GMPS: variants seen among roughly 807,000 people sequenced by gnomAD.
GMPS encodes the protein GMP synthase [glutamine-hydrolyzing].
Under a neutral mutation model 77.9 loss-of-function variants are expected in GMPS, and 15 were observed. That is an observed-to-expected ratio of 0.19 (90% CI 0.13 to 0.30). The LOEUF is 0.30. Ranked by LOEUF, GMPS falls within the 10% of genes least tolerant of loss-of-function variation. The pLI is 1.00. For missense variants in GMPS, 590 were observed against 838.8 expected (o/e 0.70, Z 3.66); for synonymous variants, 224 against 275.9 (o/e 0.81, Z 1.86).
At chr3:155,901,919 T>TC (rs1238483192) in intron 3 of GMPS, among the ~76,000 whole-genome samples, 27 of 152,204 alleles carry the variant, frequency 1.8e-4, no homozygotes, top group Admixed American at 6.5e-5. Context: ...CTTTATGGTT[T>TC]CACTTGGCTT....
chr3:155,886,611 CTTTTTTTTT>C (rs58367815), intron 1 of GMPS, among the ~76,000 whole-genome samples: 79 of 78,044 alleles, frequency 1.0e-3, no homozygotes, highest in Middle Eastern at 0.01. Context: ...TTCCTGATGA[CTTTTTTTTT>C]TTTTTTTTTT....
chr3:155,870,512 C>G (rs971106004), upstream of GMPS: 1 of 224,986 alleles, frequency 4.4e-6, no homozygotes, highest in Non-Finnish European at 8.8e-6. Context: ...GGGGCGGGGC[C>G]GGGCGCCGCG....
intron 1 of GMPS, among the ~76,000 whole-genome samples, chr3:155,872,715 T>A (rs1753934649): frequency 6.6e-6 from 1 of 152,218 alleles, no homozygotes; most frequent in South Asian, 2.1e-4. Flanking sequence ...CTAGGGTGAA[T>A]TAATTTTATT....
chr3:155,869,489 G>T (rs1753853219), upstream of GMPS, among the ~76,000 whole-genome samples: 1 of 152,128 alleles, frequency 6.6e-6, no homozygotes, highest in Admixed American at 6.5e-5. Context: ...TTCAAAAAAA[G>T]GTAAGCGAAA....
Position 155,931,762 on chromosome 3 carries a change from C to T in GMPS, c.1561-3C>T. 1 of 1,217,262 alleles carries T rather than the reference C, an allele frequency of 8.2e-7. No homozygotes were observed. 75.4% of individuals were successfully genotyped at this position (1,217,262 alleles called of 1,614,324 possible). A position where few individuals can be genotyped will look rare whatever the true frequency, so the allele number is the denominator to read the frequency against. ...AAATTATTGATTATCTTTTTATTTTCAGGGTGACTGTCGTTCCTACAGTTA... is the reference window on the plus strand; with the variant it reads ...AAATTATTGATTATCTTTTTATTTTTAGGGTGACTGTCGTTCCTACAGTTA... On this transcript the variant is annotated splice_region_variant and splice_polypyrimidine_tract_variant and intron_variant, in intron 12 of 15. Coordinates refer to ENST00000496455, the MANE Select transcript of GMPS (RefSeq NM_003875.3).
intron 5 of GMPS, among the ~76,000 whole-genome samples, chr3:155,910,106 C>T (rs1035216196): frequency 3.4e-5 from 5 of 147,296 alleles, no homozygotes; most frequent in Non-Finnish European, 6.0e-5. Flanking sequence ...ATAAGCCGAG[C>T]GTGGTGGCAC....
intron 4 of GMPS, among the ~76,000 whole-genome samples, chr3:155,904,878 A>G (rs1197633155): frequency 6.6e-6 from 1 of 152,212 alleles, no homozygotes; most frequent in East Asian, 1.9e-4. Context: ...GGACTCTATC[A>G]CAACCTATAC....
intron 1 of GMPS, among the ~76,000 whole-genome samples, chr3:155,891,316 CTG>C (rs1230519795): frequency 6.6e-6 from 1 of 152,056 alleles, no homozygotes; most frequent in Non-Finnish European, 1.5e-5. Context: ...GGGACTGAGT[CTG>C]AGAAATTTAT....
At position 155,941,670 on chromosome 3, in the gene GMPS, G is replaced by A; in HGVS notation, c.*3978G>A. 4.5e-6 allele frequency: 1 copy of A among 222,874 alleles called. No homozygotes were observed. The highest frequency in any genetic ancestry group is 9.0e-6 in the Non-Finnish European group (1 of 111,618). 13.8% of individuals were successfully genotyped at this position (222,874 alleles called of 1,614,324 possible). ...ATTGACCCAAATCCAGAATGTAATGGGGAACTGAATACAAGTTGGATGTCT... is the reference window on the plus strand; with the variant it reads ...ATTGACCCAAATCCAGAATGTAATGAGGAACTGAATACAAGTTGGATGTCT... On this transcript the variant is annotated 3_prime_UTR_variant, in exon 16 of 16. Transcript: ENST00000496455.
upstream of GMPS, chr3:155,870,581 C>A (rs1201371834): frequency 2.7e-6 from 1 of 376,634 alleles, no homozygotes; most frequent in East Asian, 4.1e-5. Flanking sequence ...ATCTGAGGCT[C>A]GGCTGCCAAG....
rs747629729 is a variant in GMPS at position 155,931,864 on chromosome 3, T to G, written c.1660T>G (p.Cys554Gly). The change falls in exon 13 of 16, where the codon TGT (cysteine) becomes GGT (glycine). Residue 554 changes from cysteine (C) to glycine (G), a missense_variant. Cys to Gly is a radical substitution (Grantham distance 159). Coordinates refer to ENST00000496455, the MANE Select transcript of GMPS (RefSeq NM_003875.3). ...IFLARLIPRMCHNVNRVVYIF... is the reference protein window; with the variant it reads ...IFLARLIPRMGHNVNRVVYIF... Reference sequence around the variant, plus strand: ...TCTGGCTAGGCTTATACCTCGCATGTGTCACAACGTTAACAGGTGTGTTTC... The same window carrying G: ...TCTGGCTAGGCTTATACCTCGCATGGGTCACAACGTTAACAGGTGTGTTTC... 2.8e-5 allele frequency: 42 copies of G among 1,523,834 alleles called. No individual in the cohort carries two copies. Among genetic ancestry groups the G allele is most frequent in the Non-Finnish European group, 3.7e-5 (41 of 1,098,372 alleles). 94.4% of individuals were successfully genotyped at this position (1,523,834 alleles called of 1,614,324 possible).
chr3:155,875,888 G>A (rs906009426), intron 1 of GMPS, among the ~76,000 whole-genome samples: 2 of 152,032 alleles, frequency 1.3e-5, no homozygotes, highest in African/African-American at 4.8e-5. Flanking sequence ...AGATTATATA[G>A]TTAAGTCTAT....
rs1755335376 is a variant in GMPS, at chr3:155,922,175, T to G, written c.1319-12T>G. On this transcript the variant is annotated splice_polypyrimidine_tract_variant and intron_variant, in intron 10 of 15. Coordinates refer to ENST00000496455, the MANE Select transcript of GMPS (RefSeq NM_003875.3). ...CATTAATGTTAAATACTATTATTAC[T>G]CCTACCTTTAGGTCCTGGCCTGGCA... 2 of 1,094,936 alleles carry G rather than the reference T, an allele frequency of 1.8e-6. No individual in the cohort carries two copies. Among genetic ancestry groups the G allele is most frequent in the African/African-American group, 1.6e-5 (1 of 62,100 alleles). The allele number at this position is 1,094,936 out of a possible 1,614,324, so 67.8% of individuals were successfully genotyped here.
In GMPS at chr3:155,911,135, G is replaced by A; in HGVS notation, c.742G>A (p.Asp248Asn). The A allele has an allele frequency of 6.2e-7, 1 of 1,610,600 alleles. No homozygotes were observed. The highest frequency in any genetic ancestry group is 8.5e-7 in the Non-Finnish European group (1 of 1,178,496). ...KVLVLLSGGV[D>N]STVCTALLNR... ...GTAGGTTTTACTCAGTGGTGGAGTA[G>A]ACTCAACAGTTTGTACAGCTTTGCT... Residue 248 changes from aspartate to asparagine, a missense_variant, in exon 7 of 16, where the codon GAC (aspartate) becomes AAC (asparagine). Transcript: ENST00000496455.
intron 1 of GMPS, among the ~76,000 whole-genome samples, chr3:155,884,595 A>G (rs546648745): frequency 6.6e-6 from 1 of 152,314 alleles, no homozygotes; most frequent in African/African-American, 2.4e-5. Flanking sequence ...TCAAAGGTTA[A>G]AAAATCAGAT....
At chr3:155,904,152 G>A (rs554985172) in intron 4 of GMPS, among the ~76,000 whole-genome samples, 192 bp downstream of exon 4, 4 of 152,090 alleles carry the variant, frequency 2.6e-5, no homozygotes, top group Non-Finnish European at 5.9e-5. Flanking sequence ...ATGTTAATAG[G>A]GAATAAGGAA....
intron 2 of GMPS, among the ~76,000 whole-genome samples, chr3:155,893,999 A>G (rs889116696): frequency 6.6e-6 from 1 of 152,216 alleles, no homozygotes; most frequent in Non-Finnish European, 1.5e-5. Context: ...ACTTAAAAGC[A>G]TTTCATCAAA....
At chr3:155,902,025 A>G (rs1754748084) in intron 3 of GMPS, among the ~76,000 whole-genome samples, 1 of 152,168 alleles carries the variant, frequency 6.6e-6, no homozygotes, top group Non-Finnish European at 1.5e-5. Context: ...TAAAACTTTG[A>G]CATATAAGAA....
intron 7 of GMPS, among the ~76,000 whole-genome samples, chr3:155,913,469 C>T (rs143452810): frequency 6.6e-6 from 1 of 151,862 alleles, no homozygotes; most frequent in African/African-American, 2.4e-5. Flanking sequence ...CTTGCTGTGG[C>T]TTCTGCTTGT....
Sources: gnomAD v4.1 joint callset for allele counts (sites outside exome capture counted in the v4.1 genomes callset) on GRCh38, gnomAD v4.1.1 for gene constraint, MANE v1.5 for transcripts, NCBI Gene and HGNC (gene_info 2026-07-23, HGNC 2026-07-21) for gene names.